ZBTB43: variants seen among roughly 807,000 people sequenced by gnomAD.
ZBTB43 encodes the protein zinc finger and BTB domain-containing protein 43.
Under a neutral mutation model 31.1 loss-of-function variants are expected in ZBTB43, and 6 were observed. The ratio of observed to expected loss-of-function variants is 0.19; its 90% CI spans 0.11 to 0.38. ZBTB43 has a LOEUF of 0.38. ZBTB43 is among the 10% of genes least tolerant of loss of function. ZBTB43 has a pLI of 1.00. For synonymous variants in ZBTB43, 212 were observed against 221.7 expected, an observed-to-expected ratio of 0.96 and a Z score of 0.39; for missense variants, 379 against 602.1, an observed-to-expected ratio of 0.63 and a Z score of 3.88.
intron 2 of ZBTB43, among the ~76,000 whole-genome samples, chr9:126,816,940 C>G (rs955500383): frequency 6.6e-6 from 1 of 152,078 alleles, no homozygotes; most frequent in African/African-American, 2.4e-5. Flanking sequence ...ATACCACCCA[C>G]CTCTGAGTTT....
chr9:126,826,686 G>C (rs764337506), intron 2 of ZBTB43, among the ~76,000 whole-genome samples: 1 of 150,598 alleles, frequency 6.6e-6, no homozygotes, highest in African/African-American at 2.4e-5. Context: ...GGAGGGTCTC[G>C]ATCTCCTGAC....
In ZBTB43 at chr9:126,836,730, C is replaced by A. The variant is rs552598085; in HGVS notation, c.*2817C>A. On this transcript the variant is annotated 3_prime_UTR_variant, in exon 3 of 3. Coordinates refer to ENST00000373464, the MANE Select transcript of ZBTB43 (RefSeq NM_014007.4). ...AATGGCCTACAACCAAGCTATTTGT[C>A]CCCTACTTTGAGTCTTAACTGTGGT... 3.2e-4 allele frequency: 53 copies of A among 167,152 alleles called. No homozygotes were observed. Among genetic ancestry groups the A allele is most frequent in the African/African-American group, 1.2e-3 (50 of 41,542 alleles). 10.4% of individuals were successfully genotyped at this position (167,152 alleles called of 1,614,324 possible). A position where few individuals can be genotyped will look rare whatever the true frequency, so the allele number is the denominator to read the frequency against.
intron 2 of ZBTB43, among the ~76,000 whole-genome samples, chr9:126,823,568 A>G (rs2032564356): frequency 6.6e-6 from 1 of 152,208 alleles, no homozygotes; most frequent in South Asian, 2.1e-4. Flanking sequence ...CTGCATGTAG[A>G]TGAGTCGTTT....
At chr9:126,830,231 C>T (rs778775469) in intron 2 of ZBTB43, among the ~76,000 whole-genome samples, 16 of 152,234 alleles carry the variant, frequency 1.1e-4, no homozygotes, top group Non-Finnish European at 2.4e-4. Flanking sequence ...AAAAAGGTAT[C>T]AGTCCCTAAC....
chr9:126,815,731 T>C (rs1412162498), intron 2 of ZBTB43, among the ~76,000 whole-genome samples: 1 of 151,700 alleles, frequency 6.6e-6, no homozygotes, highest in African/African-American at 2.4e-5. Context: ...CTTGAAAATA[T>C]AGAATATAGA....
In ZBTB43 at chr9:126,835,497, G is replaced by A. The variant is rs995028153; in HGVS notation, c.*1584G>A. The A allele has an allele frequency of 1.2e-5, 2 of 166,770 alleles. No individual in the cohort carries two copies. The highest frequency in any genetic ancestry group is 4.1e-4 in the South Asian group (2 of 4,822). 10.3% of individuals were successfully genotyped at this position (166,770 alleles called of 1,614,324 possible). A position where few individuals can be genotyped will look rare whatever the true frequency, so the allele number is the denominator to read the frequency against. ...GGGTGAAATTTTATTTGAAAAGTTTGGCTTTGCTGTAATGTAATAGACATT... is the reference window on the plus strand; with the variant it reads ...GGGTGAAATTTTATTTGAAAAGTTTAGCTTTGCTGTAATGTAATAGACATT... On this transcript the variant is annotated 3_prime_UTR_variant, in exon 3 of 3. Coordinates refer to ENST00000373464, the MANE Select transcript of ZBTB43 (RefSeq NM_014007.4).
At chr9:126,814,589 C>T (rs1018001925) in intron 2 of ZBTB43, among the ~76,000 whole-genome samples, 29 of 151,960 alleles carry the variant, frequency 1.9e-4, no homozygotes, top group African/African-American at 6.0e-4. Context: ...GTCAGGAGAT[C>T]GAGACCATCC....
chr9:126,823,508 G>A (rs1057441943), intron 2 of ZBTB43, among the ~76,000 whole-genome samples: 1 of 152,078 alleles, frequency 6.6e-6, no homozygotes, highest in African/African-American at 2.4e-5. Context: ...TCTAAAGTGA[G>A]TCTCATGCTC....
chr9:126,821,565 G>A (rs1203261462), intron 2 of ZBTB43, among the ~76,000 whole-genome samples: 1 of 152,208 alleles, frequency 6.6e-6, no homozygotes, highest in East Asian at 1.9e-4. Context: ...TGGAGATGTA[G>A]TGGAAATAAA....
intron 2 of ZBTB43, among the ~76,000 whole-genome samples, chr9:126,828,651 A>ATTATTATTATTATTATTATT (rs1554742734): frequency 4.7e-5 from 6 of 126,508 alleles, no homozygotes; most frequent in African/African-American, 1.8e-4. Context: ...TAATAATAAT[A>ATTATTATTATTATTATTATT]ATAATTATTA....
chr9:126,817,753 G>C (rs947849651), intron 2 of ZBTB43, among the ~76,000 whole-genome samples: 4 of 152,198 alleles, frequency 2.6e-5, no homozygotes, highest in African/African-American at 9.6e-5. Flanking sequence ...TGGGATTGCA[G>C]GCGTGAGCCA....
chr9:126,807,319 T>C (rs765936615), intron 1 of ZBTB43, among the ~76,000 whole-genome samples: 1 of 152,242 alleles, frequency 6.6e-6, no homozygotes, highest in Non-Finnish European at 1.5e-5. Context: ...TTCTAATGCA[T>C]ATATACAAAG....
chr9:126,833,150 A>T lies in ZBTB43; in HGVS notation c.641A>T (p.Asp214Val). 6.2e-7 allele frequency: 1 copy of T among 1,613,940 alleles called. No homozygotes were observed. The change falls in exon 3 of 3, where the codon GAT becomes GTT. Residue 214 changes from aspartate to valine, a missense_variant. Around this residue, in one of 5 missense-constraint regions of ZBTB43, gnomAD observed 253 missense variants for 322.3 expected, o/e 0.79. Transcript: ENST00000373464. The surrounding 1 kb of genome is among the most constrained non-coding windows in gnomAD (Gnocchi z 7.9). The stretch of plus-strand genomic sequence containing the variant: ...CTGAGCACGGAAATGGCAAGCCAGG[A>T]TGGGGAGGAGGGCGCCAGCGACAGC... ...DRLSTEMASQDGEEGASDSAE... is the reference protein window; with the variant it reads ...DRLSTEMASQVGEEGASDSAE...
rs935797219 is a variant in ZBTB43, at chr9:126,831,902, G to A, written c.-23-585G>A. The A allele has an allele frequency of 2.0e-4, 29 of 147,374 alleles. 1 individual carries two copies. The highest frequency in any genetic ancestry group is 6.3e-4 in the African/African-American group (25 of 39,664). The allele number at this position is 147,374 out of a possible 1,614,324, so 9.1% of individuals were successfully genotyped here. ...GAAACCAGAAGGTGGAGGTGGCAGT[G>A]AGCCGAGATCACACCATTGCACTCC... On this transcript the variant is annotated intron_variant, in intron 2 of 2. Transcript: ENST00000373464.
rs2032090726 is a variant in ZBTB43 at position 126,805,052 on chromosome 9, G to A, written c.-227G>A. 6.6e-6 allele frequency: 1 copy of A among 152,410 alleles called. No homozygotes were observed. Among genetic ancestry groups the A allele is most frequent in the Admixed American group, 6.5e-5 (1 of 15,296 alleles). The allele number at this position is 152,410 out of a possible 1,614,324, so 9.4% of individuals were successfully genotyped here. ...GAAGGCACAGGCTGAATCTGTTGCG[G>A]CAGCTGAGGCTACAACAGGCCTGCG... On this transcript the variant is annotated 5_prime_UTR_variant, in exon 1 of 3. Coordinates refer to ENST00000373464, the MANE Select transcript of ZBTB43 (RefSeq NM_014007.4).
intron 2 of ZBTB43, 44 bp downstream of exon 2, chr9:126,808,959 A>T (rs1043296238): frequency 2.0e-5 from 3 of 152,218 alleles, no homozygotes; most frequent in Non-Finnish European, 4.4e-5. Flanking sequence ...AAAGTTACTT[A>T]CTGTAATCAT....
intron 2 of ZBTB43, among the ~76,000 whole-genome samples, chr9:126,815,772 A>G (rs1051012273): frequency 6.7e-6 from 1 of 149,540 alleles, no homozygotes; most frequent in Admixed American, 6.7e-5. Context: ...ATCTTCTGTC[A>G]TTTCTGGATC....
intron 2 of ZBTB43, among the ~76,000 whole-genome samples, chr9:126,811,171 G>T (rs1315270596): frequency 6.8e-6 from 1 of 146,742 alleles, no homozygotes; most frequent in Non-Finnish European, 1.5e-5. Context: ...ACAGTGAGCT[G>T]AAGTGGCACC....
In ZBTB43 at chr9:126,836,365, TAAA is replaced by T. The variant is rs79012183; in HGVS notation, c.*2453_*2455del. The T allele has an allele frequency of 0.021, 3,474 of 167,154 alleles. 420 individuals are homozygous for T. In the East Asian group the frequency reaches 0.38, roughly 18 times the overall value. The allele number at this position is 167,154 out of a possible 1,614,324, so 10.4% of individuals were successfully genotyped here. Reference sequence around the variant, plus strand: ...TCCATCAGCTACTAAATGTAGAACTTAAATAAGTTGCTCACATCTGTTCTTTTA... The same window carrying T: ...TCCATCAGCTACTAAATGTAGAACTTTAAGTTGCTCACATCTGTTCTTTTA... On this transcript the variant is annotated 3_prime_UTR_variant, in exon 3 of 3. Transcript: ENST00000373464.
Sources: gnomAD v4.1 joint callset for allele counts (sites outside exome capture counted in the v4.1 genomes callset) on GRCh38, gnomAD v4.1.1 for gene constraint, gnomAD v4.1.1 regional missense constraint, Gnocchi (gnomAD v3.1) non-coding constraint, MANE v1.5 for transcripts, NCBI Gene and HGNC (gene_info 2026-07-23, HGNC 2026-07-21) for gene names.